Variants in GABRA5 observed in about 807,000 individuals in gnomAD.
The protein encoded by GABRA5 is gamma-aminobutyric acid receptor subunit alpha-5.
GABRA5 carries 18 observed loss-of-function variants against 47.3 expected under a neutral mutation model. The ratio of observed to expected loss-of-function variants is 0.38; its 90% CI spans 0.26 to 0.56. GABRA5 has a LOEUF of 0.56. Among genes scored for constraint, GABRA5 ranks in the 20% least tolerant of loss-of-function variants. The probability of loss-of-function intolerance (pLI) is 0.71; values close to 1 mark genes in which losing one functional copy is unlikely to be tolerated. For synonymous variants in GABRA5, 237 were observed against 229.3 expected, an observed-to-expected ratio of 1.03 and a Z score of -0.30; for missense variants, 365 against 599.3, an observed-to-expected ratio of 0.61 and a Z score of 4.08.
intron 7 of GABRA5, among the ~76,000 whole-genome samples, chr15:26,919,458 G>A (rs1029325564): frequency 2.0e-5 from 3 of 151,750 alleles, no homozygotes; most frequent in Admixed American, 6.6e-5. Context: ...TATCTTAAAC[G>A]TATAACACTA....
At chr15:26,903,287 ATCT>A (rs1448887771) in intron 6 of GABRA5, among the ~76,000 whole-genome samples, 12 of 152,130 alleles carry the variant, frequency 7.9e-5, no homozygotes, top group African/African-American at 2.6e-4. Flanking sequence ...AAAGGACATG[ATCT>A]TCTTTTTTAT....
chr15:26,877,334 G>A (rs1236402683), intron 3 of GABRA5, among the ~76,000 whole-genome samples: 1 of 152,098 alleles, frequency 6.6e-6, no homozygotes, highest in Non-Finnish European at 1.5e-5. Flanking sequence ...GATCGGTAAT[G>A]GGCATTTGAG....
intron 7 of GABRA5, among the ~76,000 whole-genome samples, chr15:26,934,124 T>C (rs1461720795): frequency 6.6e-6 from 1 of 151,346 alleles, no homozygotes; most frequent in African/African-American, 2.4e-5. Context: ...TGGTGGCAGG[T>C]ACCTGTAATC....
intron 6 of GABRA5, among the ~76,000 whole-genome samples, chr15:26,899,870 T>A (rs1708464418): frequency 6.6e-6 from 1 of 152,164 alleles, no homozygotes; most frequent in Admixed American, 6.5e-5. Context: ...ATTGAAGTAT[T>A]TAGTCCATTT....
At chr15:26,946,167 T>C in intron 10 of GABRA5, among the ~76,000 whole-genome samples, 1 of 152,200 alleles carries the variant, frequency 6.6e-6, no homozygotes. Flanking sequence ...CTTTCTGCTT[T>C]TTATCTTTTC....
chr15:26,902,884 A>G lies in GABRA5; in HGVS notation c.498-11919A>G, dbSNP rs369091920. 7.6e-4 allele frequency among the ~76,000 whole-genome samples: 115 copies of G among 152,278 alleles called. 1 individual carries two copies. Among genetic ancestry groups the G allele is most frequent in the African/African-American group, 2.5e-3 (102 of 41,572 alleles). Reference sequence around the variant, plus strand: ...AGATTTTGTTAAATGCTTTTTCTGCATCTATTAATATGAACATGTGATTTT... The same window carrying G: ...AGATTTTGTTAAATGCTTTTTCTGCGTCTATTAATATGAACATGTGATTTT... On this transcript the variant is annotated intron_variant, in intron 6 of 10. Transcript: ENST00000335625.
chr15:26,885,607 A>G (rs534735202), intron 6 of GABRA5, among the ~76,000 whole-genome samples: 2 of 152,300 alleles, frequency 1.3e-5, no homozygotes, highest in African/African-American at 4.8e-5. Flanking sequence ...TTGCCCATAG[A>G]TGGAGATGTG....
intron 6 of GABRA5, among the ~76,000 whole-genome samples, chr15:26,913,522 G>A (rs1383411846): frequency 3.3e-5 from 5 of 152,100 alleles, no homozygotes; most frequent in Non-Finnish European, 7.3e-5. Flanking sequence ...TCTCACCCTA[G>A]GCTAATCAGC....
At chr15:26,925,616 A>G (rs1893943141) in intron 7 of GABRA5, among the ~76,000 whole-genome samples, 1 of 152,208 alleles carries the variant, frequency 6.6e-6, no homozygotes, top group Non-Finnish European at 1.5e-5. Context: ...CTTAGATGCT[A>G]AATCCATCAT....
chr15:26,868,501 G>A (rs1053840573), intron 1 of GABRA5, among the ~76,000 whole-genome samples: 1 of 152,212 alleles, frequency 6.6e-6, no homozygotes, highest in Non-Finnish European at 1.5e-5. Context: ...AAGGTTAGTC[G>A]TTGAGCCCAG....
At chr15:26,933,236 G>A (rs896755634) in intron 7 of GABRA5, among the ~76,000 whole-genome samples, 3 of 152,186 alleles carry the variant, frequency 2.0e-5, no homozygotes, top group Non-Finnish European at 4.4e-5. Context: ...AGGGAGCAGA[G>A]AGCAGGGTGG....
intron 7 of GABRA5, among the ~76,000 whole-genome samples, chr15:26,922,962 G>A (rs1366162150): frequency 6.6e-6 from 1 of 152,094 alleles, no homozygotes; most frequent in East Asian, 1.9e-4. Flanking sequence ...ATCACGGTCT[G>A]CTGTATACTC....
chr15:26,884,153 C>T (rs954583467), intron 6 of GABRA5, among the ~76,000 whole-genome samples: 7 of 151,692 alleles, frequency 4.6e-5, no homozygotes, highest in Non-Finnish European at 8.8e-5. Context: ...TGTACCACTG[C>T]GCTCCAGCCT....
intron 7 of GABRA5, among the ~76,000 whole-genome samples, chr15:26,935,573 C>G (rs1260884444): frequency 4.6e-5 from 7 of 152,210 alleles, no homozygotes. Context: ...TGCCACTTGG[C>G]CTCGAGTCCA....
At chr15:26,939,901 G>C (rs376568358) in intron 8 of GABRA5, 24 bp from the exon 9 acceptor site, 1 of 1,613,028 alleles carries the variant, frequency 6.2e-7, no homozygotes, top group South Asian at 1.1e-5. Flanking sequence ...GGGGACTGAT[G>C]TGCAGTCATT....
In GABRA5 at chr15:26,883,822, C is replaced by A. The variant is rs185545420; in HGVS notation, c.497+265C>A. Among the ~76,000 whole-genome samples the A allele has an allele frequency of 1.3e-5, 2 of 152,082 alleles. No individual in the cohort carries two copies. Among genetic ancestry groups the A allele is most frequent in the African/African-American group, 2.4e-5 (1 of 41,424 alleles). On this transcript the variant is annotated intron_variant, in intron 6 of 10. Coordinates refer to ENST00000335625, the MANE Select transcript of GABRA5 (RefSeq NM_000810.4). The surrounding 1 kb of genome is among the most constrained non-coding windows in gnomAD (Gnocchi z 4.8). ...TCAAGAGCATCTTTGGAACCATGGC[C>A]CATATAATGTCGGATAGGGAAAAAT...
chr15:26,905,777 C>G (rs1893430887), intron 6 of GABRA5, among the ~76,000 whole-genome samples: 1 of 151,984 alleles, frequency 6.6e-6, no homozygotes, highest in Admixed American at 6.6e-5. Context: ...TTGAAACCCT[C>G]TAGTGAATTC....
chr15:26,900,133 T>C (rs1405289845), intron 6 of GABRA5, among the ~76,000 whole-genome samples: 1 of 152,130 alleles, frequency 6.6e-6, no homozygotes, highest in African/African-American at 2.4e-5. Context: ...TAAAACCAAC[T>C]TAGTTTCAGT....
Position 26,943,270 on chromosome 15 carries a change from G to T in GABRA5, c.933G>T (p.Leu311=). ...TCAGCATCAGCGCCAGGAACTCTCT[G>T]CCCAAAGTGGCCTACGCCACCGCCA... is the stretch of plus-strand genomic sequence containing the variant. The part of the protein sequence containing the change: ...TTLSISARNS[L]PKVAYATAMD... The change falls in exon 10 of 11, where the codon CTG becomes CTT. Residue 311 remains leucine, a synonymous_variant. Transcript: ENST00000335625. 2 of 1,569,174 alleles carry T rather than the reference G, an allele frequency of 1.3e-6. No individual in the cohort carries two copies. The highest frequency in any genetic ancestry group is 1.7e-6 in the Non-Finnish European group (2 of 1,157,350).
Sources: gnomAD v4.1 joint callset for allele counts (sites outside exome capture counted in the v4.1 genomes callset) on GRCh38, gnomAD v4.1.1 for gene constraint, Gnocchi (gnomAD v3.1) non-coding constraint, MANE v1.5 for transcripts, NCBI Gene and HGNC (gene_info 2026-07-23, HGNC 2026-07-21) for gene names.